Variants in FNIP2 observed in about 807,000 individuals in gnomAD.
FNIP2 encodes folliculin interacting protein 2, also known as folliculin-interacting protein 2.
A neutral mutation model predicts 108.7 loss-of-function variants in FNIP2; 32 were observed. That is an observed-to-expected ratio of 0.29 (90% CI 0.22 to 0.40). The LOEUF is 0.40. FNIP2 is among the 10% of genes least tolerant of loss of function. The pLI is 1.00. For synonymous variants in FNIP2, 480 were observed against 496.7 expected, an observed-to-expected ratio of 0.97 and a Z score of 0.45; for missense variants, 1,202 against 1,381.6, an observed-to-expected ratio of 0.87 and a Z score of 2.06.
intron 13 of FNIP2, among the ~76,000 whole-genome samples, chr4:158,869,829 C>G (rs919303277): frequency 5.3e-5 from 8 of 152,250 alleles, no homozygotes; most frequent in Non-Finnish European, 1.0e-4. Context: ...GGCCTCTCTC[C>G]TGCCGATCAG....
chr4:158,794,441 T>TG (rs1180394127), intron 1 of FNIP2: 2 of 152,342 alleles, frequency 1.3e-5, no homozygotes, highest in East Asian at 1.9e-4. Context: ...GGATCACAGG[T>TG]GTGAGCCACT....
At chr4:158,831,669 A>G (rs1425026866) in intron 3 of FNIP2, among the ~76,000 whole-genome samples, 192 bp from the exon 4 acceptor site, 1 of 152,248 alleles carries the variant, frequency 6.6e-6, no homozygotes, top group Non-Finnish European at 1.5e-5. Context: ...AAGAAATCAC[A>G]AACATTAGTA....
chr4:158,816,580 C>T (rs1027690376), intron 1 of FNIP2, among the ~76,000 whole-genome samples: 1 of 151,896 alleles, frequency 6.6e-6, no homozygotes, highest in Non-Finnish European at 1.5e-5. Context: ...GTCAGGAGTT[C>T]GAAACTAGCC....
intron 14 of FNIP2, among the ~76,000 whole-genome samples, chr4:158,874,607 C>A (rs1420358877): frequency 6.6e-6 from 1 of 151,678 alleles, no homozygotes; most frequent in Non-Finnish European, 1.5e-5. Flanking sequence ...GAGCTGTGAT[C>A]ATTGCCACTG....
chr4:158,798,797 C>T (rs1776670822), intron 1 of FNIP2, among the ~76,000 whole-genome samples: 1 of 152,266 alleles, frequency 6.6e-6, no homozygotes, highest in East Asian at 1.9e-4. Flanking sequence ...AATTATAACA[C>T]AGATTAATGA....
At chr4:158,840,723 A>G (rs1779083984) in intron 7 of FNIP2, among the ~76,000 whole-genome samples, 1 of 152,220 alleles carries the variant, frequency 6.6e-6, no homozygotes. Flanking sequence ...AGTCTTGAGT[A>G]CATGAGTAGA....
intron 7 of FNIP2, among the ~76,000 whole-genome samples, chr4:158,851,064 T>G (rs770606801): frequency 2.6e-5 from 4 of 152,224 alleles, no homozygotes; most frequent in Admixed American, 6.5e-5. Flanking sequence ...TTGGCATAGA[T>G]ATTTTTTTTC....
intron 1 of FNIP2, among the ~76,000 whole-genome samples, chr4:158,824,634 A>G (rs1344834636): frequency 1.3e-5 from 2 of 151,300 alleles, no homozygotes; most frequent in Non-Finnish European, 2.9e-5. Context: ...CATCTCTTCC[A>G]CCCCCATTTT....
At chr4:158,839,488 C>T (rs975998105) in intron 7 of FNIP2, among the ~76,000 whole-genome samples, 1 of 152,120 alleles carries the variant, frequency 6.6e-6, no homozygotes, top group Non-Finnish European at 1.5e-5. Flanking sequence ...TCCTCAGCGC[C>T]CTGAGTAGCT....
At position 158,859,600 on chromosome 4, in the gene FNIP2, T is replaced by C. The variant is rs768483879; in HGVS notation, c.1082T>C (p.Ile361Thr). The C allele has an allele frequency of 2.5e-6, 4 of 1,613,470 alleles. No individual in the cohort carries two copies. Among genetic ancestry groups the C allele is most frequent in the Admixed American group, 1.7e-5 (1 of 59,978 alleles). ...AAGGCTATGATCTCCTGTAGGAAAATAGCAGAATCAAGTCTCCGAGTCCAG... is the reference window on the plus strand; with the variant it reads ...AAGGCTATGATCTCCTGTAGGAAAACAGCAGAATCAAGTCTCCGAGTCCAG... ...IEKAMISCRKIAESSLRVQFY... is the reference protein window; with the variant it reads ...IEKAMISCRKTAESSLRVQFY... The change falls in exon 10 of 17, where the codon ATA (isoleucine) becomes ACA (threonine). Residue 361 changes from isoleucine to threonine, a missense_variant. Ile to Thr is a moderately conservative substitution (Grantham distance 89). Transcript: ENST00000264433.
intron 1 of FNIP2, among the ~76,000 whole-genome samples, chr4:158,780,592 A>T (rs1329035995): frequency 6.6e-6 from 1 of 152,210 alleles, no homozygotes; most frequent in African/African-American, 2.4e-5. Context: ...CTTGCCTGAA[A>T]TTGAGTGGTT....
intron 7 of FNIP2, among the ~76,000 whole-genome samples, chr4:158,848,233 G>C (rs986409274): frequency 6.6e-6 from 1 of 152,210 alleles, no homozygotes; most frequent in Non-Finnish European, 1.5e-5. Context: ...TCTCAATGGT[G>C]GTGGTCACAG....
intron 1 of FNIP2, among the ~76,000 whole-genome samples, chr4:158,785,030 C>G (rs1211610927): frequency 6.6e-6 from 1 of 151,292 alleles, no homozygotes; most frequent in Non-Finnish European, 1.5e-5. Context: ...GCATTGTTTT[C>G]AGCAACTACC....
intron 1 of FNIP2, among the ~76,000 whole-genome samples, chr4:158,786,172 G>A (rs1042147176): frequency 1.3e-5 from 2 of 152,054 alleles, no homozygotes; most frequent in Non-Finnish European, 2.9e-5. Context: ...AGTCTCGTCC[G>A]GATTAATTAT....
At position 158,891,630 on chromosome 4, in the gene FNIP2, A is replaced by C. The variant is rs576114458; in HGVS notation, c.3134A>C (p.His1045Pro). Reference protein sequence around the residue: ...LQSILQLYKLHLPADFCIMHL... With the variant: ...LQSILQLYKLPLPADFCIMHL... Reference sequence around the variant, plus strand: ...TCCATTTTACAGCTCTATAAGCTTCACCTCCCTGCTGATTTTGTAAGTACT... The same window carrying C: ...TCCATTTTACAGCTCTATAAGCTTCCCCTCCCTGCTGATTTTGTAAGTACT... Residue 1045 changes from histidine to proline, a missense_variant, in exon 15 of 17, where the codon CAC becomes CCC. Physicochemically the swap from His to Pro is moderately conservative, Grantham distance 77 (BLOSUM62 -2). This residue lies in a region of FNIP2 where 142 missense variants were observed against 183.8 expected (regional missense o/e 0.77). Transcript: ENST00000264433. The C allele has an allele frequency of 6.2e-7, 1 of 1,611,786 alleles. No homozygotes were observed.
Position 158,868,758 on chromosome 4 carries a change from C to T in FNIP2, c.2122C>T (p.Leu708Phe), listed in dbSNP as rs1431764432. The change falls in exon 13 of 17, where the codon CTC (leucine) becomes TTC (phenylalanine). Residue 708 changes from leucine to phenylalanine, a missense_variant. Transcript: ENST00000264433. The surrounding 1 kb of genome is among the most constrained non-coding windows in gnomAD (Gnocchi z 4.6). The part of the protein sequence containing the change: ...SVAWPCPDRH[L>F]REKPSLEKVT... ...GGCCTGGCCTTGCCCTGACAGACAT[C>T]TCCGGGAGAAACCTTCCTTAGAAAA... 1.2e-6 allele frequency: 2 copies of T among 1,613,892 alleles called. No homozygotes were observed.
chr4:158,860,976 T>G (rs556150483), intron 10 of FNIP2, among the ~76,000 whole-genome samples: 12 of 152,300 alleles, frequency 7.9e-5, no homozygotes, highest in African/African-American at 2.9e-4. Flanking sequence ...CCTACTTTAA[T>G]GAGGTGTCTA....
intron 16 of FNIP2, among the ~76,000 whole-genome samples, chr4:158,899,597 G>A (rs1174925266): frequency 6.6e-6 from 1 of 152,194 alleles, no homozygotes; most frequent in Non-Finnish European, 1.5e-5. Flanking sequence ...ATGTGCCCAG[G>A]AATTTATCCA....
intron 16 of FNIP2, among the ~76,000 whole-genome samples, chr4:158,902,858 G>A (rs1466976955): frequency 3.9e-5 from 6 of 152,270 alleles, no homozygotes; most frequent in Non-Finnish European, 8.8e-5. Flanking sequence ...AACGTCCCAG[G>A]TCGACCTCAG....
Sources: allele counts gnomAD v4.1 joint callset (sites outside exome capture counted in the v4.1 genomes callset), GRCh38; gene constraint gnomAD v4.1.1; regional missense constraint gnomAD v4.1.1; non-coding constraint Gnocchi (gnomAD v3.1); transcripts MANE v1.5; gene names NCBI Gene and HGNC (gene_info 2026-07-23, HGNC 2026-07-21).